Variants in ROBO2 observed in about 807,000 individuals in gnomAD.
ROBO2 encodes roundabout homolog 2.
In ROBO2, 53 loss-of-function variants were observed where a neutral mutation model predicts 160.8. That is an observed-to-expected ratio of 0.33 (90% CI 0.26 to 0.41). The LOEUF is 0.41. Among genes scored for constraint, ROBO2 ranks in the 10% least tolerant of loss-of-function variants. ROBO2 has a pLI of 1.00. For synonymous variants in ROBO2, 664 were observed against 611.7 expected (o/e 1.09, Z -1.26); for missense variants, 1,577 against 1,722.4 (o/e 0.92, Z 1.49).
intron 2 of ROBO2, chr3:77,317,015 T>C: frequency 2.0e-6 from 3 of 1,527,210 alleles, no homozygotes; most frequent in Non-Finnish European, 2.7e-6. Context: ...TTGTTCACCT[T>C]CTGGTAAATG....
At position 77,199,043 on chromosome 3, in the gene ROBO2, A is replaced by G. The variant is rs568886902; in HGVS notation, c.388+100703A>G. Among the ~76,000 whole-genome samples, 33 of 152,376 alleles carry G rather than the reference A, an allele frequency of 2.2e-4. No homozygotes were observed. In the East Asian group the frequency reaches 6.4e-3, roughly 29 times the overall value. ...ACTCAAGGGAGACAAGTGTGTAAACAGATAAATAAAATACAGGGTGATACA... is the reference window on the plus strand; with the variant it reads ...ACTCAAGGGAGACAAGTGTGTAAACGGATAAATAAAATACAGGGTGATACA... On this transcript the variant is annotated intron_variant, in intron 2 of 25. Coordinates refer to ENST00000461745, the Ensembl canonical transcript of ROBO2.
At chr3:76,534,516 C>T (rs1440307650) in intron 2 of ROBO2, among the ~76,000 whole-genome samples, 1 of 152,104 alleles carries the variant, frequency 6.6e-6, no homozygotes, top group Non-Finnish European at 1.5e-5. Flanking sequence ...TTCCATAGTT[C>T]TGATTGCAGA....
chr3:76,988,510 A>C (rs2060503346), intron 2 of ROBO2, among the ~76,000 whole-genome samples: 1 of 152,198 alleles, frequency 6.6e-6, no homozygotes, highest in East Asian at 1.9e-4. Context: ...ATATGTAGAA[A>C]TGTAGAAGAC....
At chr3:76,475,396 G>A (rs779076188) in intron 2 of ROBO2, among the ~76,000 whole-genome samples, 4 of 152,116 alleles carry the variant, frequency 2.6e-5, no homozygotes, top group Non-Finnish European at 4.4e-5. Context: ...ACCAGGTGAT[G>A]TGCAGCCATG....
chr3:77,617,915 ATGTATCCAC>A (rs1168837146), intron 22 of ROBO2, 142 bp downstream of exon 23: 1 of 866,690 alleles, frequency 1.2e-6, no homozygotes, highest in East Asian at 2.6e-5. Flanking sequence ...ATTTAGATAA[ATGTATCCAC>A]TGAGAAATGT....
chr3:76,042,008 A>AAGAG (rs796662835), intron 2 of ROBO2, among the ~76,000 whole-genome samples: 1 of 129,862 alleles, frequency 7.7e-6, no homozygotes, highest in African/African-American at 3.0e-5. Flanking sequence ...GAGCGAGAGC[A>AAGAG]AGAGAGAGAG....
intron 2 of ROBO2, among the ~76,000 whole-genome samples, chr3:75,939,929 T>A (rs1461976690): frequency 6.6e-6 from 1 of 152,140 alleles, no homozygotes; most frequent in Non-Finnish European, 1.5e-5. Flanking sequence ...AAGTTTACAA[T>A]CTTGCATTAA....
chr3:76,006,251 T>G (rs1326674789), intron 2 of ROBO2, among the ~76,000 whole-genome samples: 1 of 152,128 alleles, frequency 6.6e-6, no homozygotes, highest in East Asian at 1.9e-4. Flanking sequence ...ATTTGTTACT[T>G]GAAGTGGAAA....
At chr3:77,562,784 A>C in intron 10 of ROBO2, 52 bp downstream of exon 11, 5 of 1,218,278 alleles carry the variant, frequency 4.1e-6, no homozygotes, top group Non-Finnish European at 6.1e-6. Context: ...CTGATAGCTC[A>C]ATATCAAATA....
intron 2 of ROBO2, among the ~76,000 whole-genome samples, chr3:76,259,113 C>G (rs1453994094): frequency 6.6e-6 from 1 of 151,948 alleles, no homozygotes; most frequent in Non-Finnish European, 1.5e-5. Flanking sequence ...TCTCACTATG[C>G]TTTGTTTTTT....
intron 2 of ROBO2, among the ~76,000 whole-genome samples, chr3:76,392,257 A>G (rs894743049): frequency 6.6e-6 from 1 of 152,174 alleles, no homozygotes; most frequent in Non-Finnish European, 1.5e-5. Flanking sequence ...TTATTTGGAT[A>G]ACAATCTCTG....
chr3:77,023,012 CT>C (rs2062736191), intron 2 of ROBO2, among the ~76,000 whole-genome samples: 2 of 152,120 alleles, frequency 1.3e-5, no homozygotes, highest in Non-Finnish European at 2.9e-5. Flanking sequence ...AATTTGACTA[CT>C]CTAGGAATCT....
chr3:76,204,067 T>A (rs951280968), intron 2 of ROBO2, among the ~76,000 whole-genome samples: 1 of 152,186 alleles, frequency 6.6e-6, no homozygotes, highest in African/African-American at 2.4e-5. Context: ...TGGACCCTGA[T>A]TGATACAGTC....
exon 15 of ROBO2, chr3:77,577,577 C>T: frequency 1.2e-6 from 2 of 1,613,382 alleles, no homozygotes; most frequent in South Asian, 1.1e-5. Context: ...GATCCTCCTC[C>T]TCCAGATCAC....
intron 2 of ROBO2, among the ~76,000 whole-genome samples, chr3:76,040,326 CTAAT>C (rs2067241501): frequency 6.6e-6 from 1 of 151,610 alleles, no homozygotes; most frequent in Admixed American, 6.6e-5. Flanking sequence ...TTTTATAAAT[CTAAT>C]TAACAAAAAT....
At chr3:76,130,585 A>G (rs184662442) in intron 2 of ROBO2, among the ~76,000 whole-genome samples, 1 of 152,232 alleles carries the variant, frequency 6.6e-6, no homozygotes, top group Non-Finnish European at 1.5e-5. Flanking sequence ...CAGGGAAGGA[A>G]GATTAACAAA....
At chr3:76,525,110 C>A (rs1323544803) in intron 2 of ROBO2, among the ~76,000 whole-genome samples, 1 of 151,592 alleles carries the variant, frequency 6.6e-6, no homozygotes, top group Non-Finnish European at 1.5e-5. Flanking sequence ...CCCTTAAGGG[C>A]AGCAAAATTA....
At chr3:76,640,815 A>C (rs867794911) in intron 2 of ROBO2, among the ~76,000 whole-genome samples, 54 of 152,108 alleles carry the variant, frequency 3.6e-4, no homozygotes, top group African/African-American at 1.2e-3. Context: ...ATAATGGTGG[A>C]AAATAAGGAC....
chr3:76,479,485 C>T (rs2079100054), intron 2 of ROBO2, among the ~76,000 whole-genome samples: 2 of 152,012 alleles, frequency 1.3e-5, no homozygotes, highest in African/African-American at 2.4e-5. Flanking sequence ...AAAATTTTAC[C>T]ATAAAAATCT....
Sources: allele counts gnomAD v4.1 joint callset (sites outside exome capture counted in the v4.1 genomes callset), GRCh38; gene constraint gnomAD v4.1.1; transcripts MANE v1.5; gene names NCBI Gene and HGNC (gene_info 2026-07-23, HGNC 2026-07-21).